Variants in RBFOX1 observed in about 807,000 individuals in gnomAD.
The protein encoded by RBFOX1 is RNA binding fox-1 homolog 1.
A neutral mutation model predicts 57.7 loss-of-function variants in RBFOX1; 8 were observed. The ratio of observed to expected loss-of-function variants is 0.14; its 90% CI spans 0.08 to 0.25. The LOEUF is 0.25. Among genes scored for constraint, RBFOX1 ranks in the 10% least tolerant of loss-of-function variants. The probability of loss-of-function intolerance (pLI) is 1.00; values close to 1 mark genes in which losing one functional copy is unlikely to be tolerated. For missense variants in RBFOX1, 611 were observed against 548.5 expected (o/e 1.11, Z -1.14); for synonymous variants, 326 against 222.4 (o/e 1.47, Z -4.15).
rs562051130 is a variant in RBFOX1, at chr16:7,120,810, A to T, written c.27+68712A>T. Among the ~76,000 whole-genome samples the T allele has an allele frequency of 6.0e-3, 350 of 58,762 alleles. 5 individuals are homozygous for T. The highest frequency in any genetic ancestry group is 0.019 in the African/African-American group (336 of 17,426). The allele number at this position is 58,762 out of a possible 152,430, so 38.6% of individuals were successfully genotyped here. A position where few individuals can be genotyped will look rare whatever the true frequency, so the allele number is the denominator to read the frequency against. On this transcript the variant is annotated intron_variant, in intron 4 of 15. Coordinates refer to ENST00000550418, the MANE Select transcript of RBFOX1 (RefSeq NM_018723.4). ...TGATACGAAAACCAGGCTATATGTAATATTTTATATATGTATATATACACA... is the reference window on the plus strand; with the variant it reads ...TGATACGAAAACCAGGCTATATGTATTATTTTATATATGTATATATACACA...
intron 3 of RBFOX1, among the ~76,000 whole-genome samples, chr16:5,733,882 TCC>T (rs2052475840): frequency 6.6e-6 from 1 of 152,040 alleles, no homozygotes; most frequent in African/African-American, 2.4e-5. Context: ...GCTTTCTCTC[TCC>T]AAGGCTGCTG....
At chr16:6,508,339 C>A in intron 2 of RBFOX1, among the ~76,000 whole-genome samples, 1 of 152,078 alleles carries the variant, frequency 6.6e-6, no homozygotes, top group Admixed American at 6.6e-5. Context: ...TGTAACAAAC[C>A]TGCACTTGTC....
intron 2 of RBFOX1, among the ~76,000 whole-genome samples, chr16:5,518,969 T>C (rs901117557): frequency 1.3e-5 from 2 of 152,154 alleles, no homozygotes; most frequent in Non-Finnish European, 2.9e-5. Context: ...CTAAGGTGGA[T>C]GGGTGGCCCT....
rs1273595634 is a variant in RBFOX1 at position 6,207,779 on chromosome 16, C to G, written c.-126-109216C>G. On this transcript the variant is annotated intron_variant, in intron 1 of 15. Coordinates refer to ENST00000550418, the MANE Select transcript of RBFOX1 (RefSeq NM_018723.4). ...TGTAAGTAACTGTAGCCTCAAAGCCCTGGGCTCAGGGGATCCTCCTACCTC... is the reference window on the plus strand; with the variant it reads ...TGTAAGTAACTGTAGCCTCAAAGCCGTGGGCTCAGGGGATCCTCCTACCTC... 2.0e-5 allele frequency among the ~76,000 whole-genome samples: 3 copies of G among 152,002 alleles called. No individual in the cohort carries two copies. The East Asian group carries it at 5.8e-4, about 29-fold the overall frequency.
intron 3 of RBFOX1, among the ~76,000 whole-genome samples, chr16:5,661,516 T>C (rs1269557859): frequency 6.6e-6 from 1 of 152,264 alleles, no homozygotes; most frequent in Non-Finnish European, 1.5e-5. Flanking sequence ...GTCTCACAAA[T>C]GTCTTTATCT....
intron 4 of RBFOX1, among the ~76,000 whole-genome samples, chr16:7,265,404 T>G (rs2095088928): frequency 6.6e-6 from 1 of 152,004 alleles, no homozygotes; most frequent in South Asian, 2.1e-4. Flanking sequence ...TCTTTTTCTT[T>G]ATGTTTTCTT....
intron 14 of RBFOX1, among the ~76,000 whole-genome samples, chr16:7,699,579 T>C (rs573841719): frequency 6.6e-5 from 10 of 152,278 alleles, no homozygotes; most frequent in African/African-American, 2.2e-4. Flanking sequence ...CCTTGAGATG[T>C]GGCCAGTCCA....
chr16:7,226,512 T>C (rs967783879), intron 4 of RBFOX1, among the ~76,000 whole-genome samples: 1 of 152,218 alleles, frequency 6.6e-6, no homozygotes, highest in Non-Finnish European at 1.5e-5. Flanking sequence ...GGCAAAACCC[T>C]GAATTTTCCT....
intron 12 of RBFOX1, among the ~76,000 whole-genome samples, chr16:7,659,093 G>C (rs897833671): frequency 6.6e-6 from 1 of 152,064 alleles, no homozygotes; most frequent in South Asian, 2.1e-4. Flanking sequence ...TTGTTCTCTA[G>C]GTATCTCTGA....
At chr16:7,263,517 T>G (rs1044958445) in intron 4 of RBFOX1, among the ~76,000 whole-genome samples, 35 of 152,224 alleles carry the variant, frequency 2.3e-4, no homozygotes, top group African/African-American at 7.9e-4. Context: ...CCTACAGTAT[T>G]GTAGTTCCTT....
intron 3 of RBFOX1, among the ~76,000 whole-genome samples, chr16:6,964,880 A>T (rs1223968601): frequency 1.3e-5 from 2 of 151,966 alleles, no homozygotes; most frequent in Non-Finnish European, 2.9e-5. Flanking sequence ...TGGGCAAGTC[A>T]CTCCTTAACC....
chr16:6,909,582 C>G (rs1393865504), intron 3 of RBFOX1, among the ~76,000 whole-genome samples: 1 of 152,216 alleles, frequency 6.6e-6, no homozygotes, highest in East Asian at 1.9e-4. Flanking sequence ...GCTCAGCTAC[C>G]TAGAAGCGAG....
chr16:6,645,780 C>G (rs1365140748), intron 2 of RBFOX1, among the ~76,000 whole-genome samples: 1 of 152,160 alleles, frequency 6.6e-6, no homozygotes, highest in Non-Finnish European at 1.5e-5. Context: ...TTGCCATATG[C>G]TAAGACCCTG....
intron 2 of RBFOX1, among the ~76,000 whole-genome samples, chr16:6,523,147 T>C (rs997095672): frequency 6.6e-6 from 1 of 152,100 alleles, no homozygotes; most frequent in Non-Finnish European, 1.5e-5. Context: ...GGAACGTAGG[T>C]AGCATGGGGT....
intron 2 of RBFOX1, among the ~76,000 whole-genome samples, chr16:6,572,262 C>T (rs1030143566): frequency 5.9e-5 from 9 of 152,116 alleles, no homozygotes; most frequent in Non-Finnish European, 1.2e-4. Context: ...GTATCAAATT[C>T]TATAGGACAT....
chr16:5,627,849 A>G (rs1429729571), intron 3 of RBFOX1, among the ~76,000 whole-genome samples: 1 of 152,236 alleles, frequency 6.6e-6, no homozygotes, highest in Non-Finnish European at 1.5e-5. Context: ...ACCATTTCAT[A>G]TAAGGGGGTT....
intron 1 of RBFOX1, among the ~76,000 whole-genome samples, chr16:6,028,628 C>G (rs116211814): frequency 6.6e-6 from 1 of 151,576 alleles, no homozygotes. Context: ...CTGCTATGAG[C>G]TGTAATTGTG....
chr16:6,342,390 T>C (rs1272401829), intron 2 of RBFOX1, among the ~76,000 whole-genome samples: 1 of 152,152 alleles, frequency 6.6e-6, no homozygotes, highest in Non-Finnish European at 1.5e-5. Flanking sequence ...ATCCCATGTT[T>C]TGCCATGGCA....
chr16:5,266,992 C>G (rs575040330), intron 1 of RBFOX1, among the ~76,000 whole-genome samples: 1 of 151,890 alleles, frequency 6.6e-6, no homozygotes, highest in African/African-American at 2.4e-5. Context: ...GGCATGAAAG[C>G]TGATCACCTT....
Sources: allele counts gnomAD v4.1 joint callset (sites outside exome capture counted in the v4.1 genomes callset), GRCh38; gene constraint gnomAD v4.1.1; transcripts MANE v1.5; gene names NCBI Gene and HGNC (gene_info 2026-07-23, HGNC 2026-07-21).